The following TMEM132C variants were observed in gnomAD, a reference collection of about 807,000 sequenced individuals.
TMEM132C encodes transmembrane protein 132C, also known as protein phosphatase 1, regulatory subunit 152.
TMEM132C carries 29 observed loss-of-function variants against 61.4 expected under a neutral mutation model. The observed-to-expected ratio is 0.47, with a 90% CI of 0.35 to 0.64. TMEM132C has a LOEUF of 0.64. Ranked by LOEUF, TMEM132C falls within the 30% of genes least tolerant of loss-of-function variation. The pLI is 0.00. For missense variants in TMEM132C, 1,408 were observed against 1,476.9 expected, an observed-to-expected ratio of 0.95 and a Z score of 0.76; for synonymous variants, 656 against 633.1, an observed-to-expected ratio of 1.04 and a Z score of -0.54.
At chr12:128,371,559 A>G (rs1244161112) in intron 1 of TMEM132C, among the ~76,000 whole-genome samples, 1 of 152,142 alleles carries the variant, frequency 6.6e-6, no homozygotes, top group Non-Finnish European at 1.5e-5. Context: ...TTATTTATGT[A>G]TGTATATGTG....
intron 3 of TMEM132C, among the ~76,000 whole-genome samples, chr12:128,578,737 A>C (rs1041073229): frequency 1.3e-4 from 20 of 152,094 alleles, no homozygotes; most frequent in Admixed American, 1.0e-3. Flanking sequence ...AGCTGGGATC[A>C]CAGGTACCTG....
chr12:128,561,619 T>G (rs556692525), intron 3 of TMEM132C, among the ~76,000 whole-genome samples: 1 of 152,284 alleles, frequency 6.6e-6, no homozygotes, highest in African/African-American at 2.4e-5. Flanking sequence ...CATTGTTGGT[T>G]AGAAAAGATG....
chr12:128,446,340 T>C (rs771961508), intron 2 of TMEM132C, among the ~76,000 whole-genome samples: 7 of 152,180 alleles, frequency 4.6e-5, no homozygotes, highest in Non-Finnish European at 8.8e-5. Context: ...CACCAGCCTT[T>C]TGGTGGCATG....
At chr12:128,525,169 T>C (rs1289992965) in intron 2 of TMEM132C, among the ~76,000 whole-genome samples, 1 of 152,218 alleles carries the variant, frequency 6.6e-6, no homozygotes, top group African/African-American at 2.4e-5. Context: ...GGATGAATCA[T>C]GATTGGTCTA....
At chr12:128,412,431 C>G (rs1868591978) in intron 1 of TMEM132C, among the ~76,000 whole-genome samples, 1 of 152,150 alleles carries the variant, frequency 6.6e-6, no homozygotes, top group Non-Finnish European at 1.5e-5. Flanking sequence ...TATCTCCCTG[C>G]TATGGTTTGG....
intron 3 of TMEM132C, among the ~76,000 whole-genome samples, chr12:128,602,756 A>G (rs553488274): frequency 6.6e-6 from 1 of 152,336 alleles, no homozygotes; most frequent in Admixed American, 6.5e-5. Flanking sequence ...ACTGCTTTCC[A>G]TACCATTCAG....
intron 2 of TMEM132C, among the ~76,000 whole-genome samples, chr12:128,438,335 C>G (rs1869669137): frequency 6.6e-6 from 1 of 152,022 alleles, no homozygotes. Context: ...ACCATGAGAG[C>G]TGGTTGTTTA....
At chr12:128,436,172 G>A (rs537040244) in intron 2 of TMEM132C, among the ~76,000 whole-genome samples, 22 of 152,208 alleles carry the variant, frequency 1.4e-4, no homozygotes, top group African/African-American at 4.3e-4. Context: ...AGACTTAAAT[G>A]TTAGACCTAA....
chr12:128,633,588 A>G (rs1593127567), intron 4 of TMEM132C, among the ~76,000 whole-genome samples: 1 of 152,220 alleles, frequency 6.6e-6, no homozygotes, highest in East Asian at 1.9e-4. Flanking sequence ...ACAGTTCTCA[A>G]TAATTTTTAA....
intron 2 of TMEM132C, among the ~76,000 whole-genome samples, chr12:128,420,172 G>T (rs1868939751): frequency 6.6e-6 from 1 of 152,036 alleles, no homozygotes; most frequent in Non-Finnish European, 1.5e-5. Flanking sequence ...GTCCAGCCTG[G>T]GTGACAAGAG....
At chr12:128,423,642 G>T (rs576763566) in intron 2 of TMEM132C, among the ~76,000 whole-genome samples, 1 of 152,166 alleles carries the variant, frequency 6.6e-6, no homozygotes, top group South Asian at 2.1e-4. Flanking sequence ...GGCTAAGGTG[G>T]GAGGATTGTG....
At chr12:128,657,588 G>T (rs1954339136) in intron 4 of TMEM132C, among the ~76,000 whole-genome samples, 1 of 152,132 alleles carries the variant, frequency 6.6e-6, no homozygotes, top group Admixed American at 6.5e-5. Flanking sequence ...ACCGTATTAT[G>T]CAGTGTCCTG....
At chr12:128,590,241 C>G (rs1195537495) in intron 3 of TMEM132C, among the ~76,000 whole-genome samples, 1 of 152,148 alleles carries the variant, frequency 6.6e-6, no homozygotes, top group Admixed American at 6.5e-5. Flanking sequence ...CTGCTTGAGA[C>G]TCGGGATGAC....
chr12:128,310,890 C>A (rs184115700), intron 1 of TMEM132C, among the ~76,000 whole-genome samples: 2 of 152,106 alleles, frequency 1.3e-5, no homozygotes, highest in Admixed American at 1.3e-4. Flanking sequence ...TTAAATGTTC[C>A]CAGAATAAAG....
intron 5 of TMEM132C, among the ~76,000 whole-genome samples, chr12:128,688,981 G>GTT (rs149682230): frequency 6.7e-6 from 1 of 150,128 alleles, no homozygotes; most frequent in African/African-American, 2.4e-5. Flanking sequence ...TTTTGTTTTT[G>GTT]TTTTTGTTTT....
intron 2 of TMEM132C, among the ~76,000 whole-genome samples, chr12:128,504,838 G>C (rs1377554345): frequency 7.0e-6 from 1 of 142,744 alleles, no homozygotes; most frequent in African/African-American, 2.5e-5. Context: ...GGTGGGGGTG[G>C]GAGCAGAAAC....
intron 3 of TMEM132C, among the ~76,000 whole-genome samples, chr12:128,604,929 G>T (rs1320232425): frequency 6.6e-6 from 1 of 151,518 alleles, no homozygotes; most frequent in African/African-American, 2.4e-5. Flanking sequence ...TGGATGCATG[G>T]ATGCATAGAT....
chr12:128,478,375 C>T (rs183169822), intron 2 of TMEM132C, among the ~76,000 whole-genome samples: 3 of 152,250 alleles, frequency 2.0e-5, no homozygotes, highest in African/African-American at 7.2e-5. Flanking sequence ...AGGCTCACTT[C>T]CACCTCTTAA....
chr12:128,338,928 AAG>A, intron 1 of TMEM132C, among the ~76,000 whole-genome samples: 1 of 152,086 alleles, frequency 6.6e-6, no homozygotes, highest in South Asian at 2.1e-4. Context: ...CGATTTTGTA[AAG>A]ACGTTGGGTT....
Sources: gnomAD v4.1 joint callset for allele counts (sites outside exome capture counted in the v4.1 genomes callset) on GRCh38, gnomAD v4.1.1 for gene constraint, MANE v1.5 for transcripts, NCBI Gene and HGNC (gene_info 2026-07-23, HGNC 2026-07-21) for gene names.